Variants in WDR70 observed in about 807,000 individuals in gnomAD.
WDR70 encodes the protein WD repeat domain 70, also known as WD repeat-containing protein 70.
A neutral mutation model predicts 88.6 loss-of-function variants in WDR70; 53 were observed. That is an observed-to-expected ratio of 0.60 (90% CI 0.48 to 0.75). The LOEUF is 0.75. Ranked by LOEUF, WDR70 falls within the 30% of genes least tolerant of loss-of-function variation. The pLI is 0.00. For missense variants in WDR70, 610 were observed against 823.2 expected, an observed-to-expected ratio of 0.74 and a Z score of 3.17; for synonymous variants, 280 against 270.0, an observed-to-expected ratio of 1.04 and a Z score of -0.36.
chr5:37,606,180 TC>T (rs1744025459), intron 10 of WDR70, among the ~76,000 whole-genome samples: 1 of 152,218 alleles, frequency 6.6e-6, no homozygotes, highest in Non-Finnish European at 1.5e-5. Context: ...AATTGTTTTT[TC>T]AGGCAGATGT....
chr5:37,472,587 C>G (rs1005386979), intron 7 of WDR70, among the ~76,000 whole-genome samples: 1 of 151,956 alleles, frequency 6.6e-6, no homozygotes, highest in Non-Finnish European at 1.5e-5. Flanking sequence ...CTCTGCCTCC[C>G]GGGTTCAAGA....
At chr5:37,556,296 C>G (rs1346612963) in intron 9 of WDR70, among the ~76,000 whole-genome samples, 1 of 152,104 alleles carries the variant, frequency 6.6e-6, no homozygotes, top group East Asian at 1.9e-4. Flanking sequence ...GTGGTAGCTA[C>G]TATCATCTAG....
At chr5:37,635,911 T>A (rs191777612) in intron 10 of WDR70, among the ~76,000 whole-genome samples, 9 of 152,266 alleles carry the variant, frequency 5.9e-5, no homozygotes, top group Admixed American at 5.2e-4. Context: ...ATCTGATGGT[T>A]TTATAAGGGG....
chr5:37,625,218 G>C (rs184839499), intron 10 of WDR70, among the ~76,000 whole-genome samples: 2 of 152,228 alleles, frequency 1.3e-5, no homozygotes, highest in Non-Finnish European at 2.9e-5. Flanking sequence ...AGCCTTGCTG[G>C]ATCATGTGGT....
chr5:37,465,554 A>G (rs1739125154), intron 7 of WDR70, among the ~76,000 whole-genome samples: 1 of 152,026 alleles, frequency 6.6e-6, no homozygotes, highest in Non-Finnish European at 1.5e-5. Flanking sequence ...TCTGATTTGG[A>G]TTTAGGAACC....
At chr5:37,403,651 T>C (rs1049318010) in intron 5 of WDR70, among the ~76,000 whole-genome samples, 1 of 152,198 alleles carries the variant, frequency 6.6e-6, no homozygotes, top group African/African-American at 2.4e-5. Flanking sequence ...TTAGCAAATA[T>C]TGTTGAAATT....
chr5:37,494,651 A>AT (rs1347270752), intron 8 of WDR70, among the ~76,000 whole-genome samples: 1 of 152,216 alleles, frequency 6.6e-6, no homozygotes, highest in Admixed American at 6.5e-5. Flanking sequence ...TTGGTGATAA[A>AT]TATTTGTGAA....
chr5:37,521,703 TACACACACACACACACAC>T (rs59206188), intron 9 of WDR70, among the ~76,000 whole-genome samples: 2 of 145,220 alleles, frequency 1.4e-5, no homozygotes, highest in African/African-American at 2.6e-5. Flanking sequence ...AGTCCAAGTA[TACACACACACACACACAC>T]ACACACACAC....
At chr5:37,604,130 G>C (rs1743965052) in intron 9 of WDR70, among the ~76,000 whole-genome samples, 1 of 151,998 alleles carries the variant, frequency 6.6e-6, no homozygotes, top group South Asian at 2.1e-4. Flanking sequence ...TGTAGATTCA[G>C]ATTTCCACTT....
chr5:37,707,951 ATATATATATATATATATAT>A (rs1747404603), intron 13 of WDR70, among the ~76,000 whole-genome samples: 5 of 20,010 alleles, frequency 2.5e-4, no homozygotes, highest in African/African-American at 4.8e-4. Context: ...AAAAAAAAAT[ATATATATATATATATATAT>A]ATATATATAT....
intron 7 of WDR70, among the ~76,000 whole-genome samples, chr5:37,446,474 A>G (rs1019770148): frequency 6.6e-6 from 1 of 152,218 alleles, no homozygotes; most frequent in African/African-American, 2.4e-5. Context: ...AAGAGCCCGC[A>G]TCGCCAAGAC....
chr5:37,462,557 C>G (rs1342253927), intron 7 of WDR70, among the ~76,000 whole-genome samples: 3 of 152,220 alleles, frequency 2.0e-5, no homozygotes. Flanking sequence ...CCGCCTCGGC[C>G]TCCCAAAGTG....
At chr5:37,720,754 A>T (rs931933202) in intron 13 of WDR70, among the ~76,000 whole-genome samples, 6 of 152,208 alleles carry the variant, frequency 3.9e-5, no homozygotes, top group African/African-American at 1.2e-4. Flanking sequence ...TAAGAGCATG[A>T]AATTCGCTTC....
intron 9 of WDR70, among the ~76,000 whole-genome samples, chr5:37,530,161 A>C (rs1037733717): frequency 4.6e-5 from 7 of 152,096 alleles, no homozygotes; most frequent in Admixed American, 4.6e-4. Flanking sequence ...CCTGGTATGA[A>C]ACCCACTTGA....
intron 9 of WDR70, among the ~76,000 whole-genome samples, chr5:37,588,911 C>A (rs1743442378): frequency 6.6e-6 from 1 of 151,880 alleles, no homozygotes; most frequent in African/African-American, 2.4e-5. Context: ...ATTACAGGCG[C>A]TGGCCACCAT....
At chr5:37,660,660 T>G (rs1453851944) in intron 10 of WDR70, among the ~76,000 whole-genome samples, 1 of 152,160 alleles carries the variant, frequency 6.6e-6, no homozygotes, top group Admixed American at 6.5e-5. Flanking sequence ...CTTTTTCTGT[T>G]CTTTTATTTT....
chr5:37,738,311 G>A (rs1748364137), intron 17 of WDR70, among the ~76,000 whole-genome samples: 1 of 152,146 alleles, frequency 6.6e-6, no homozygotes, highest in Non-Finnish European at 1.5e-5. Context: ...TTATACTCAT[G>A]TGCTGATGAC....
At chr5:37,723,288 T>C (rs1747877331) in intron 15 of WDR70, 2 of 228,398 alleles carry the variant, frequency 8.8e-6, no homozygotes, top group Non-Finnish European at 1.7e-5. Context: ...GTTCCACCAC[T>C]GAGTGGCAAT....
chr5:37,552,444 T>C (rs1481637787), intron 9 of WDR70, among the ~76,000 whole-genome samples: 1 of 152,218 alleles, frequency 6.6e-6, no homozygotes, highest in African/African-American at 2.4e-5. Flanking sequence ...CAGTTATCTA[T>C]GTTAAGAAGA....
Sources: gnomAD v4.1 joint callset for allele counts (sites outside exome capture counted in the v4.1 genomes callset) on GRCh38, gnomAD v4.1.1 for gene constraint, MANE v1.5 for transcripts, NCBI Gene and HGNC (gene_info 2026-07-23, HGNC 2026-07-21) for gene names.